Variants in TRABD2B observed in about 807,000 individuals in gnomAD.
TRABD2B encodes metalloprotease TIKI2.
Under a neutral mutation model 40.1 loss-of-function variants are expected in TRABD2B, and 14 were observed. The ratio of observed to expected loss-of-function variants is 0.35; its 90% CI spans 0.23 to 0.55. The LOEUF is 0.55. Among genes scored for constraint, TRABD2B ranks in the 20% least tolerant of loss-of-function variants. The probability of loss-of-function intolerance (pLI) is 0.90; values close to 1 mark genes in which losing one functional copy is unlikely to be tolerated. For synonymous variants in TRABD2B, 263 were observed against 277.0 expected (o/e 0.95, Z 0.50); for missense variants, 541 against 648.6 (o/e 0.83, Z 1.80).
chr1:47,884,157 C>T (rs76789665), intron 2 of TRABD2B, among the ~76,000 whole-genome samples: 3,482 of 152,316 alleles, frequency 0.023, 104 homozygotes, highest in Admixed American at 0.089. Context: ...GTTCTGCAAT[C>T]TTCCCAGAGC....
intron 2 of TRABD2B, among the ~76,000 whole-genome samples, chr1:47,936,946 TCATCACCACCACCATCATGATCATCAC>T (rs915324619): frequency 1.3e-5 from 2 of 148,514 alleles, no homozygotes; most frequent in African/African-American, 2.5e-5. Flanking sequence ...ACCATCACCA[TCATCACCACCACCATCATGATCATCAC>T]CATCACCACC....
chr1:47,917,340 C>T (rs72692154), intron 2 of TRABD2B, among the ~76,000 whole-genome samples: 4,061 of 152,280 alleles, frequency 0.027, 84 homozygotes, highest in Non-Finnish European at 0.039. Context: ...CTCATATCTG[C>T]GGATGGGTGG....
At chr1:47,806,562 G>T (rs574198687) in intron 2 of TRABD2B, among the ~76,000 whole-genome samples, 1 of 152,298 alleles carries the variant, frequency 6.6e-6, no homozygotes, top group South Asian at 2.1e-4. Context: ...TCTCACCCTG[G>T]ATGGCTGTGT....
At chr1:47,783,226 T>G in intron 4 of TRABD2B, among the ~76,000 whole-genome samples, 1 of 149,750 alleles carries the variant, frequency 6.7e-6, no homozygotes, top group Non-Finnish European at 1.5e-5. Context: ...AGACAGGCAG[T>G]AAGAGACACA....
Position 47,994,806 on chromosome 1 carries a change from ATT to A in TRABD2B, c.103-211_103-210del, listed in dbSNP as rs1646067119. 6.6e-6 allele frequency among the ~76,000 whole-genome samples: 1 copy of A among 152,144 alleles called. No individual in the cohort carries two copies. The highest frequency in any genetic ancestry group is 2.1e-4 in the South Asian group (1 of 4,820). On this transcript the variant is annotated intron_variant, in intron 1 of 6. Coordinates refer to ENST00000606738, the MANE Select transcript of TRABD2B (RefSeq NM_001194986.2). The surrounding 1 kb of genome is among the most constrained non-coding windows in gnomAD (Gnocchi z 6.7). The stretch of plus-strand genomic sequence containing the variant: ...TTAGATGTATGATCTTGAGTGAATC[ATT>A]TCACTTCCACAGGCTCAGTTTCCTC...
intron 2 of TRABD2B, among the ~76,000 whole-genome samples, chr1:47,976,113 C>T (rs181522677): frequency 2.0e-5 from 3 of 152,320 alleles, no homozygotes; most frequent in African/African-American, 4.8e-5. Flanking sequence ...CCTACTCCAC[C>T]TGTAAGCTTC....
chr1:47,850,659 G>A lies in TRABD2B; in HGVS notation c.667-49040C>T, dbSNP rs1442627584. On this transcript the variant is annotated intron_variant, in intron 2 of 6. Transcript: ENST00000606738. ...TGACTTGGGATTTGGCCTGGACCAA[G>A]GGGTGAGTGAGTGCTGCCTGGCACC... Among the ~76,000 whole-genome samples, 3 of 152,270 alleles carry A rather than the reference G, an allele frequency of 2.0e-5. No individual in the cohort carries two copies. The East Asian group carries it at 5.8e-4, about 30-fold the overall frequency.
intron 2 of TRABD2B, among the ~76,000 whole-genome samples, chr1:47,923,966 A>G (rs1406337597): frequency 1.0e-5 from 1 of 98,928 alleles, no homozygotes; most frequent in African/African-American, 3.6e-5. Flanking sequence ...ACACACACAC[A>G]CACATCCTAT....
intron 2 of TRABD2B, among the ~76,000 whole-genome samples, chr1:47,844,754 G>A (rs1645445811): frequency 2.0e-5 from 3 of 152,222 alleles, no homozygotes; most frequent in Non-Finnish European, 4.4e-5. Flanking sequence ...TTCATGGTAA[G>A]AGAATTACAG....
intron 2 of TRABD2B, among the ~76,000 whole-genome samples, chr1:47,934,116 A>G (rs996907741): frequency 6.6e-6 from 1 of 152,222 alleles, no homozygotes; most frequent in Non-Finnish European, 1.5e-5. Flanking sequence ...AATCTTTACA[A>G]TAATTCTGTG....
chr1:47,882,558 T>C (rs1644319992), intron 2 of TRABD2B, among the ~76,000 whole-genome samples: 1 of 152,188 alleles, frequency 6.6e-6, no homozygotes, highest in African/African-American at 2.4e-5. Context: ...CTGCTGACTT[T>C]GTCATGCACA....
At chr1:47,979,742 G>A (rs1645813830) in intron 2 of TRABD2B, among the ~76,000 whole-genome samples, 1 of 152,178 alleles carries the variant, frequency 6.6e-6, no homozygotes, top group East Asian at 1.9e-4. Flanking sequence ...CGTTAGAAAT[G>A]GTGGTCAAGG....
chr1:47,815,754 G>A (rs1645021788), intron 2 of TRABD2B, among the ~76,000 whole-genome samples: 1 of 152,162 alleles, frequency 6.6e-6, no homozygotes, highest in African/African-American at 2.4e-5. Context: ...GTAAGAATGT[G>A]TGTGCACACA....
At chr1:47,911,367 C>T (rs974172330) in intron 2 of TRABD2B, among the ~76,000 whole-genome samples, 1 of 152,196 alleles carries the variant, frequency 6.6e-6, no homozygotes, top group African/African-American at 2.4e-5. Context: ...ACTACTGGTG[C>T]AAGTTACAAC....
chr1:47,833,657 T>C (rs1645279368), intron 2 of TRABD2B, among the ~76,000 whole-genome samples: 1 of 152,228 alleles, frequency 6.6e-6, no homozygotes, highest in African/African-American at 2.4e-5. Context: ...CTATGACCCT[T>C]ATAATACCCA....
chr1:47,773,969 T>C (rs983437096), intron 6 of TRABD2B, among the ~76,000 whole-genome samples: 1 of 152,210 alleles, frequency 6.6e-6, no homozygotes, highest in African/African-American at 2.4e-5. Flanking sequence ...ATTCATGAAG[T>C]GCAAAGTGCA....
intron 2 of TRABD2B, among the ~76,000 whole-genome samples, chr1:47,931,022 A>G (rs367951036): frequency 6.6e-5 from 10 of 152,318 alleles, no homozygotes; most frequent in African/African-American, 2.4e-4. Flanking sequence ...ATCCTGTGTC[A>G]TTCACCAGAA....
intron 2 of TRABD2B, among the ~76,000 whole-genome samples, chr1:47,972,306 T>C (rs1645692874): frequency 1.3e-5 from 2 of 151,396 alleles, no homozygotes; most frequent in South Asian, 4.2e-4. Context: ...ATCCACCTAC[T>C]TTCCAATCAT....
intron 2 of TRABD2B, among the ~76,000 whole-genome samples, chr1:47,944,421 C>G (rs1201923740): frequency 1.3e-5 from 2 of 152,154 alleles, no homozygotes; most frequent in African/African-American, 4.8e-5. Flanking sequence ...TCTCAGGGAA[C>G]AGAAGCCAAG....
Sources: allele counts gnomAD v4.1 joint callset (sites outside exome capture counted in the v4.1 genomes callset), GRCh38; gene constraint gnomAD v4.1.1; non-coding constraint Gnocchi (gnomAD v3.1); transcripts MANE v1.5; gene names NCBI Gene and HGNC (gene_info 2026-07-23, HGNC 2026-07-21).